ENPP6: variants seen among roughly 807,000 people sequenced by gnomAD.
The protein encoded by ENPP6 is glycerophosphocholine cholinephosphodiesterase ENPP6.
In ENPP6, 32 loss-of-function variants were observed where a neutral mutation model predicts 42.0. That is an observed-to-expected ratio of 0.76 (90% confidence interval 0.58 to 1.02). The LOEUF (loss-of-function observed/expected upper bound fraction) is 1.02, where lower values mean the gene tolerates loss of function less well. ENPP6 is among the 50% of genes least tolerant of loss of function. ENPP6 has a pLI of 0.00. For synonymous variants in ENPP6, 213 were observed against 216.0 expected, an observed-to-expected ratio of 0.99 and a Z score of 0.12; for missense variants, 552 against 566.8, an observed-to-expected ratio of 0.97 and a Z score of 0.27.
At chr4:184,136,486 T>C (rs1736731813) in intron 2 of ENPP6, among the ~76,000 whole-genome samples, 1 of 152,230 alleles carries the variant, frequency 6.6e-6, no homozygotes. Flanking sequence ...TTTCCTTCTG[T>C]CTAAAGAAGT....
intron 2 of ENPP6, among the ~76,000 whole-genome samples, chr4:184,132,155 G>A (rs1020671451): frequency 5.9e-5 from 9 of 152,102 alleles, no homozygotes; most frequent in African/African-American, 1.2e-4. Context: ...TGATGCAAAC[G>A]TCAATCTCAA....
Position 184,091,370 on chromosome 4 carries a change from T to C in ENPP6, c.1130A>G (p.Asn377Ser), listed in dbSNP as rs147863053. ...CGACCTGATAGGAGCAGCTCTGAAG[T>C]TGGATTTGAAATCTGAAAGGGAAAG... Reference protein sequence around the residue: ...FLAFGPDFKSNFRAAPIRSVD... With the variant: ...FLAFGPDFKSSFRAAPIRSVD... The change falls in exon 8 of 8, where the codon AAC (asparagine) becomes AGC (serine). Residue 377 changes from asparagine to serine, a missense_variant. Asn to Ser is a conservative substitution (Grantham distance 46). This residue lies in a region of ENPP6 where 545 missense variants were observed against 546.3 expected (regional missense o/e 1.00). Coordinates refer to ENST00000296741, the MANE Select transcript of ENPP6 (RefSeq NM_153343.4). 1.2e-5 allele frequency: 19 copies of C among 1,601,996 alleles called. No individual in the cohort carries two copies. In the African/African-American group the frequency reaches 2.4e-4, roughly 20 times the overall value.
chr4:184,161,610 C>A (rs1042472320), intron 1 of ENPP6, among the ~76,000 whole-genome samples: 1 of 151,882 alleles, frequency 6.6e-6, no homozygotes, highest in Non-Finnish European at 1.5e-5. Flanking sequence ...TTCATAATTG[C>A]AAAAATAGGG....
At chr4:184,125,499 G>C (rs1255155387) in intron 2 of ENPP6, among the ~76,000 whole-genome samples, 1 of 152,186 alleles carries the variant, frequency 6.6e-6, no homozygotes, top group Non-Finnish European at 1.5e-5. Flanking sequence ...AGGGAGCGCA[G>C]GAGGAAAGGA....
chr4:184,155,574 A>C (rs2111079631), intron 1 of ENPP6, among the ~76,000 whole-genome samples: 1 of 152,314 alleles, frequency 6.6e-6, no homozygotes, highest in East Asian at 1.9e-4. Flanking sequence ...TGAATGAATC[A>C]TCAGGAAAGG....
At chr4:184,159,090 C>T (rs1214960977) in intron 1 of ENPP6, among the ~76,000 whole-genome samples, 1 of 152,142 alleles carries the variant, frequency 6.6e-6, no homozygotes, top group African/African-American at 2.4e-5. Context: ...CATAGTTCTT[C>T]CAAAGCTTAG....
chr4:184,113,767 A>G (rs1455831731), intron 5 of ENPP6, among the ~76,000 whole-genome samples: 2 of 152,202 alleles, frequency 1.3e-5, no homozygotes, highest in African/African-American at 2.4e-5. Flanking sequence ...CAAACTTTGT[A>G]CATACTTTGT....
At chr4:184,141,403 T>G (rs1736818032) in intron 2 of ENPP6, among the ~76,000 whole-genome samples, 1 of 152,212 alleles carries the variant, frequency 6.6e-6, no homozygotes, top group Non-Finnish European at 1.5e-5. Context: ...AAGCAGGGCT[T>G]TCTGAATCTC....
At chr4:184,153,506 G>A (rs762740760) in intron 2 of ENPP6, 48 bp downstream of exon 2, 2 of 1,556,036 alleles carry the variant, frequency 1.3e-6, no homozygotes, top group Non-Finnish European at 1.7e-6. Flanking sequence ...ACTGTCCTCA[G>A]AGACTCTATG....
At chr4:184,216,460 G>C (rs1733198010) in intron 1 of ENPP6, 1 of 151,976 alleles carries the variant, frequency 6.6e-6, no homozygotes, top group East Asian at 1.9e-4. Context: ...TGTGTATATA[G>C]TATCTATGCA....
chr4:184,139,392 C>T (rs1252557119), intron 2 of ENPP6, among the ~76,000 whole-genome samples: 1 of 149,800 alleles, frequency 6.7e-6, no homozygotes, highest in Non-Finnish European at 1.5e-5. Flanking sequence ...TTTTCGGGTA[C>T]ATGTGCACAT....
chr4:184,208,190 G>A (rs1733032753), intron 1 of ENPP6, among the ~76,000 whole-genome samples: 1 of 152,066 alleles, frequency 6.6e-6, no homozygotes, highest in African/African-American at 2.4e-5. Context: ...CTGCTTGAAT[G>A]TAATCTCCCT....
intron 2 of ENPP6, among the ~76,000 whole-genome samples, chr4:184,141,784 T>G (rs896129456): frequency 6.6e-6 from 1 of 152,194 alleles, no homozygotes; most frequent in Non-Finnish European, 1.5e-5. Context: ...ATAATAATGA[T>G]GATGATAAGG....
intron 1 of ENPP6, among the ~76,000 whole-genome samples, chr4:184,165,490 G>A (rs936437586): frequency 4.6e-5 from 7 of 152,180 alleles, no homozygotes; most frequent in African/African-American, 9.7e-5. Flanking sequence ...AGGGCTTGCC[G>A]TTTTAATACA....
At chr4:184,155,989 T>TGTGC (rs1737153813) in intron 1 of ENPP6, among the ~76,000 whole-genome samples, 1 of 152,170 alleles carries the variant, frequency 6.6e-6, no homozygotes, top group African/African-American at 2.4e-5. Context: ...GGATTGTGTG[T>TGTGC]GTGCATGCAT....
At chr4:184,124,380 G>A in intron 2 of ENPP6, 108 bp from the exon 3 acceptor site, 1 of 785,944 alleles carries the variant, frequency 1.3e-6, no homozygotes, top group Non-Finnish European at 2.1e-6. Flanking sequence ...AAATAAAAAT[G>A]TTGAGTATTT....
At chr4:184,172,599 G>A (rs1737487408) in intron 1 of ENPP6, among the ~76,000 whole-genome samples, 1 of 152,174 alleles carries the variant, frequency 6.6e-6, no homozygotes, top group Admixed American at 6.6e-5. Context: ...ACCGGAGTGA[G>A]CAGTGGGCGC....
intron 7 of ENPP6, 56 bp downstream of exon 7, chr4:184,097,189 T>C (rs1735925336): frequency 6.2e-7 from 1 of 1,608,960 alleles, no homozygotes; most frequent in South Asian, 1.1e-5. Flanking sequence ...TAGCCCCCCT[T>C]ACAGACACTT....
Position 184,090,954 on chromosome 4 carries a change from T to G in ENPP6, c.*223A>C, listed in dbSNP as rs114117043. The stretch of plus-strand genomic sequence containing the variant: ...AGAAAATGACATATAACTGCACAAA[T>G]GGAAAGCTAGGATTTTCCTACCTTC... On this transcript the variant is annotated 3_prime_UTR_variant, in exon 8 of 8. Coordinates refer to ENST00000296741, the MANE Select transcript of ENPP6 (RefSeq NM_153343.4). 8.4e-6 allele frequency: 4 copies of G among 475,114 alleles called. No homozygotes were observed. In the Admixed American group the frequency reaches 1.6e-4, roughly 19 times the overall value. The allele number at this position is 475,114 out of a possible 1,614,324, so 29.4% of individuals were successfully genotyped here.
Sources: gnomAD v4.1 joint callset for allele counts (sites outside exome capture counted in the v4.1 genomes callset) on GRCh38, gnomAD v4.1.1 for gene constraint, gnomAD v4.1.1 regional missense constraint, MANE v1.5 for transcripts, NCBI Gene and HGNC (gene_info 2026-07-23, HGNC 2026-07-21) for gene names.